Variants in ST18 observed in about 807,000 individuals in gnomAD.
ST18 encodes suppression of tumorigenicity 18 protein.
In ST18, 50 loss-of-function variants were observed where a neutral mutation model predicts 110.0. The ratio of observed to expected loss-of-function variants is 0.45; its 90% CI spans 0.36 to 0.58. The LOEUF (loss-of-function observed/expected upper bound fraction) is 0.58, where lower values mean the gene tolerates loss of function less well. ST18 is among the 20% of genes least tolerant of loss of function. The probability of loss-of-function intolerance (pLI) is 0.00; values close to 1 mark genes in which losing one functional copy is unlikely to be tolerated. For synonymous variants in ST18, 461 were observed against 452.4 expected (o/e 1.02, Z -0.24); for missense variants, 1,306 against 1,280.1 (o/e 1.02, Z -0.31).
intron 2 of ST18, among the ~76,000 whole-genome samples, chr8:52,309,779 C>T (rs891811662): frequency 1.3e-5 from 2 of 152,050 alleles, no homozygotes; most frequent in Non-Finnish European, 2.9e-5. Context: ...CAAATACCTG[C>T]AGCCCAGACC....
chr8:52,186,873 A>G (rs2072499144), intron 8 of ST18, among the ~76,000 whole-genome samples: 1 of 152,146 alleles, frequency 6.6e-6, no homozygotes, highest in Admixed American at 6.5e-5. Context: ...GACTTTTGTG[A>G]GGGTCACAGC....
intron 2 of ST18, among the ~76,000 whole-genome samples, chr8:52,347,955 C>T: frequency 6.6e-6 from 1 of 152,240 alleles, no homozygotes; most frequent in East Asian, 1.9e-4. Flanking sequence ...TATATTAAGA[C>T]CATATATATT....
chr8:52,358,159 A>C (rs1026527360), intron 2 of ST18, among the ~76,000 whole-genome samples: 1 of 151,994 alleles, frequency 6.6e-6, no homozygotes, highest in Non-Finnish European at 1.5e-5. Context: ...GAGATAAGTG[A>C]AAATGAAAAC....
At chr8:52,272,549 G>A (rs1228779021) in intron 2 of ST18, among the ~76,000 whole-genome samples, 3 of 142,926 alleles carry the variant, frequency 2.1e-5, no homozygotes, top group Non-Finnish European at 2.9e-5. Context: ...GGCGATTATA[G>A]ACAACAACAA....
intron 2 of ST18, among the ~76,000 whole-genome samples, chr8:52,307,959 T>C (rs1428617742): frequency 6.6e-6 from 1 of 152,206 alleles, no homozygotes; most frequent in East Asian, 1.9e-4. Context: ...GACACTTGGG[T>C]AGCATGAATG....
chr8:52,210,439 C>T (rs2081787292), intron 8 of ST18, among the ~76,000 whole-genome samples: 1 of 152,080 alleles, frequency 6.6e-6, no homozygotes, highest in Non-Finnish European at 1.5e-5. Flanking sequence ...GGGAGAAACA[C>T]TTGAGCCCAG....
rs1411295399 is a variant in ST18, at chr8:52,113,030, G to C, written c.*168C>G. 25 of 636,374 alleles carry C rather than the reference G, an allele frequency of 3.9e-5. No individual in the cohort carries two copies. Among genetic ancestry groups the C allele is most frequent in the Non-Finnish European group, 1.4e-5 (6 of 424,164 alleles). 39.4% of individuals were successfully genotyped at this position (636,374 alleles called of 1,614,324 possible). A position where few individuals can be genotyped will look rare whatever the true frequency, so the allele number is the denominator to read the frequency against. On this transcript the variant is annotated 3_prime_UTR_variant, in exon 26 of 26. Coordinates refer to ENST00000689386, the MANE Select transcript of ST18 (RefSeq NM_001352837.2). The stretch of plus-strand genomic sequence containing the variant: ...CTTTTAATCCAAGAAGTCTATCATA[G>C]TTTTTCTTTCCTTTTTATATCAGCT...
intron 9 of ST18, among the ~76,000 whole-genome samples, chr8:52,178,530 T>C (rs2067821943): frequency 6.9e-6 from 1 of 145,266 alleles, no homozygotes; most frequent in South Asian, 2.1e-4. Context: ...GGCAGGAGAA[T>C]TGCTTGAACC....
chr8:52,186,806 C>A, intron 8 of ST18, among the ~76,000 whole-genome samples: 1 of 152,154 alleles, frequency 6.6e-6, no homozygotes, highest in South Asian at 2.1e-4. Context: ...AATGAAAGTG[C>A]ATACATAATG....
chr8:52,160,950 T>G (rs1041544117), intron 14 of ST18, among the ~76,000 whole-genome samples: 1 of 152,220 alleles, frequency 6.6e-6, no homozygotes, highest in African/African-American at 2.4e-5. Flanking sequence ...TTTGCTGAGT[T>G]AAATAATATT....
chr8:52,273,951 C>T (rs773351704), intron 2 of ST18, among the ~76,000 whole-genome samples: 20 of 152,180 alleles, frequency 1.3e-4, no homozygotes, highest in Non-Finnish European at 2.5e-4. Context: ...TTCCACAATG[C>T]TTCAGATGAG....
At chr8:52,242,372 G>C (rs1373301185) in intron 2 of ST18, among the ~76,000 whole-genome samples, 1 of 152,208 alleles carries the variant, frequency 6.6e-6, no homozygotes, top group Non-Finnish European at 1.5e-5. Flanking sequence ...GGGGGCTATG[G>C]TGCCTGAGGT....
intron 2 of ST18, among the ~76,000 whole-genome samples, chr8:52,314,581 T>A (rs1180857114): frequency 6.6e-6 from 1 of 152,196 alleles, no homozygotes; most frequent in African/African-American, 2.4e-5. Flanking sequence ...AAATCATGAC[T>A]TATAGCCCAG....
At chr8:52,233,874 A>G (rs1306047773) in intron 2 of ST18, among the ~76,000 whole-genome samples, 1 of 152,198 alleles carries the variant, frequency 6.6e-6, no homozygotes, top group Non-Finnish European at 1.5e-5. Context: ...TATTTATGGA[A>G]TACAAAGTGA....
rs558239399 is a variant in ST18 at position 52,389,395 on chromosome 8, A to G, written c.-465+19933T>C. ...AGACTGCCTGGAGGAGCTCTTCTGG[A>G]TGATGGGATGTGATGATATTAAAAG... is the stretch of plus-strand genomic sequence containing the variant. On this transcript the variant is annotated intron_variant, in intron 2 of 25. Transcript: ENST00000689386. Among the ~76,000 whole-genome samples, 329 of 152,268 alleles carry G rather than the reference A, an allele frequency of 2.2e-3. 2 individuals carry two copies. Among genetic ancestry groups the G allele is most frequent in the Admixed American group, 4.8e-3 (74 of 15,298 alleles).
At chr8:52,365,779 G>T (rs1253168290) in intron 2 of ST18, among the ~76,000 whole-genome samples, 1 of 152,004 alleles carries the variant, frequency 6.6e-6, no homozygotes, top group African/African-American at 2.4e-5. Flanking sequence ...GCTCACTACA[G>T]CCTCGACCTC....
At chr8:52,166,811 G>C in intron 11 of ST18, 41 bp downstream of exon 11, 1 of 1,492,268 alleles carries the variant, frequency 6.7e-7, no homozygotes, top group Non-Finnish European at 9.0e-7. Flanking sequence ...TGATGATCTG[G>C]CGTGCATAAG....
At chr8:52,350,653 G>A (rs371049444) in intron 2 of ST18, among the ~76,000 whole-genome samples, 2 of 152,162 alleles carry the variant, frequency 1.3e-5, no homozygotes, top group South Asian at 2.1e-4. Context: ...GCAAGATCAC[G>A]GGACTTCTGT....
chr8:52,119,642 C>T (rs2043912947), intron 23 of ST18, among the ~76,000 whole-genome samples: 1 of 152,148 alleles, frequency 6.6e-6, no homozygotes, highest in African/African-American at 2.4e-5. Flanking sequence ...AGGAAGCATG[C>T]ATAAGGTGTA....
Sources: allele counts gnomAD v4.1 joint callset (sites outside exome capture counted in the v4.1 genomes callset), GRCh38; gene constraint gnomAD v4.1.1; transcripts MANE v1.5; gene names NCBI Gene and HGNC (gene_info 2026-07-23, HGNC 2026-07-21).